Variants in NAV2 observed in about 807,000 individuals in gnomAD.
NAV2 encodes the protein helicase, APC down-regulated 1.
A neutral mutation model predicts 223.2 loss-of-function variants in NAV2; 54 were observed. The ratio of observed to expected loss-of-function variants is 0.24; its 90% confidence interval spans 0.19 to 0.30. NAV2 has a LOEUF of 0.30. Among genes scored for constraint, NAV2 ranks in the 10% least tolerant of loss-of-function variants. NAV2 has a pLI of 1.00. For synonymous variants in NAV2, 1,279 were observed against 1,239.3 expected, an observed-to-expected ratio of 1.03 and a Z score of -0.67; for missense variants, 2,806 against 3,147.5, an observed-to-expected ratio of 0.89 and a Z score of 2.60.
chr11:19,950,232 C>A (rs914135988), intron 10 of NAV2, among the ~76,000 whole-genome samples: 1 of 152,188 alleles, frequency 6.6e-6, no homozygotes, highest in African/African-American at 2.4e-5. Context: ...ATCAAGAACC[C>A]AATGGGTGAG....
intron 1 of NAV2, among the ~76,000 whole-genome samples, chr11:19,475,759 G>A (rs917375822): frequency 3.9e-5 from 6 of 152,134 alleles, no homozygotes; most frequent in Admixed American, 1.3e-4. Flanking sequence ...GCAGATAAAA[G>A]TCAGCCTGAA....
Position 19,879,726 on chromosome 11 carries a change from AT to A in NAV2, c.512-139del, listed in dbSNP as rs542195243. On this transcript the variant is annotated intron_variant, in intron 4 of 37. Coordinates refer to ENST00000349880, the MANE Select transcript of NAV2 (RefSeq NM_145117.5). ...CTAATTTCTTTGTGGTATAGGCCTG[AT>A]TTTAATTGCCTGTGATACCAATGAA... The A allele has an allele frequency of 9.8e-4, 962 of 978,248 alleles. 3 individuals are homozygous for A. Among genetic ancestry groups the A allele is most frequent in the Middle Eastern group, 3.0e-3 (12 of 3,936 alleles). 60.6% of individuals were successfully genotyped at this position (978,248 alleles called of 1,614,324 possible). A position where few individuals can be genotyped will look rare whatever the true frequency, so the allele number is the denominator to read the frequency against.
chr11:19,349,086 G>A (rs1853149956), upstream of NAV2, among the ~76,000 whole-genome samples: 1 of 152,164 alleles, frequency 6.6e-6, no homozygotes, highest in African/African-American at 2.4e-5. Flanking sequence ...TCAGCAGAGG[G>A]CTTCAGTCAT....
At chr11:19,969,049 CCA>C (rs1397487832) in intron 10 of NAV2, among the ~76,000 whole-genome samples, 2 of 152,198 alleles carry the variant, frequency 1.3e-5, no homozygotes, top group Admixed American at 1.3e-4. Flanking sequence ...ACGTGCTCAT[CCA>C]CACAGTTTGT....
intron 1 of NAV2, among the ~76,000 whole-genome samples, chr11:19,362,541 C>T (rs1052919726): frequency 6.6e-6 from 1 of 152,106 alleles, no homozygotes; most frequent in African/African-American, 2.4e-5. Context: ...AGTACACAGA[C>T]CTGTTTGGAA....
chr11:20,062,418 A>T, intron 20 of NAV2, 59 bp downstream of exon 20: 1 of 1,293,854 alleles, frequency 7.7e-7, no homozygotes, highest in South Asian at 1.3e-5. Flanking sequence ...CCTTTATCAA[A>T]TGTGTCAAGA....
At chr11:20,035,827 A>G in intron 11 of NAV2, 132 bp from the exon 12 acceptor site, 2 of 1,024,870 alleles carry the variant, frequency 2.0e-6, no homozygotes, top group Non-Finnish European at 2.8e-6. Context: ...CATCTGAGTC[A>G]AGAGAGCTTT....
chr11:20,015,834 A>T (rs1168648065), intron 11 of NAV2, among the ~76,000 whole-genome samples: 1 of 152,164 alleles, frequency 6.6e-6, no homozygotes, highest in East Asian at 1.9e-4. Flanking sequence ...TATTAGAAGG[A>T]GCTGAAGGAC....
intron 1 of NAV2, among the ~76,000 whole-genome samples, chr11:19,581,925 A>C (rs1442103699): frequency 6.6e-6 from 1 of 152,174 alleles, no homozygotes; most frequent in South Asian, 2.1e-4. Context: ...TTCTAGATCC[A>C]TGAGGAATTG....
chr11:19,348,246 A>T (rs1590025679), upstream of NAV2, among the ~76,000 whole-genome samples: 1 of 152,212 alleles, frequency 6.6e-6, no homozygotes, highest in Non-Finnish European at 1.5e-5. Flanking sequence ...TCTCAGATAC[A>T]GAGAAAGCCC....
chr11:19,603,685 G>T (rs1427240859), intron 1 of NAV2, among the ~76,000 whole-genome samples: 1 of 151,538 alleles, frequency 6.6e-6, no homozygotes, highest in Non-Finnish European at 1.5e-5. Context: ...AGAGAAAAGG[G>T]ACTGGGCTGC....
At chr11:19,624,264 T>G (rs1444201317) in intron 1 of NAV2, among the ~76,000 whole-genome samples, 1 of 152,152 alleles carries the variant, frequency 6.6e-6, no homozygotes, top group Non-Finnish European at 1.5e-5. Flanking sequence ...TCAAACTCCA[T>G]GCTGGGAGTA....
intron 12 of NAV2, among the ~76,000 whole-genome samples, chr11:20,039,963 T>C (rs1315116584): frequency 6.6e-6 from 1 of 152,190 alleles, no homozygotes; most frequent in African/African-American, 2.4e-5. Context: ...GGGTGCCCCC[T>C]TCTGCTCACC....
At chr11:19,815,612 T>C (rs7936333) in intron 1 of NAV2, among the ~76,000 whole-genome samples, 77,011 of 152,116 alleles carry the variant, frequency 0.51, 22,237 homozygotes, top group Middle Eastern at 0.68. Flanking sequence ...CTAGAACTTC[T>C]TCTTCATCGT....
intron 11 of NAV2, among the ~76,000 whole-genome samples, chr11:19,999,830 G>C (rs1235915422): frequency 2.0e-5 from 3 of 152,188 alleles, no homozygotes; most frequent in Non-Finnish European, 4.4e-5. Context: ...CACAGTGCCT[G>C]GTCCAGTCAG....
chr11:19,806,174 A>T (rs556971447), intron 1 of NAV2, among the ~76,000 whole-genome samples: 147 of 152,350 alleles, frequency 9.6e-4, no homozygotes, highest in African/African-American at 3.4e-3. Context: ...ACAAGGCCCT[A>T]AAATGTCAGG....
chr11:19,770,697 T>G (rs891687605), intron 1 of NAV2, among the ~76,000 whole-genome samples: 1 of 152,170 alleles, frequency 6.6e-6, no homozygotes, highest in South Asian at 2.1e-4. Context: ...AAATTAGTCT[T>G]CAATTATTCA....
intron 1 of NAV2, among the ~76,000 whole-genome samples, chr11:19,416,736 G>A (rs1850386967): frequency 6.6e-6 from 1 of 152,044 alleles, no homozygotes; most frequent in South Asian, 2.1e-4. Context: ...AAGGTACTGG[G>A]ACCAAACAGA....
intron 1 of NAV2, among the ~76,000 whole-genome samples, chr11:19,494,078 C>A (rs1348834419): frequency 6.6e-6 from 1 of 152,264 alleles, no homozygotes; most frequent in African/African-American, 2.4e-5. Context: ...GGACACAGGA[C>A]CCCAACAGAT....
Sources: gnomAD v4.1 joint callset for allele counts (sites outside exome capture counted in the v4.1 genomes callset) on GRCh38, gnomAD v4.1.1 for gene constraint, MANE v1.5 for transcripts, NCBI Gene and HGNC (gene_info 2026-07-23, HGNC 2026-07-21) for gene names.